The following SPOCK3 variants were observed in gnomAD, a reference collection of about 807,000 sequenced individuals.
SPOCK3 encodes the protein SPARC (osteonectin), cwcv and kazal like domains proteoglycan 3.
SPOCK3 carries 30 observed loss-of-function variants against 56.6 expected under a neutral mutation model. The observed-to-expected ratio is 0.53, with a 90% CI of 0.40 to 0.72. The LOEUF (loss-of-function observed/expected upper bound fraction) is 0.72. Among genes scored for constraint, SPOCK3 ranks in the 30% least tolerant of loss-of-function variants. The pLI is 0.00. For synonymous variants in SPOCK3, 196 were observed against 183.3 expected (o/e 1.07, Z -0.56); for missense variants, 527 against 530.0 (o/e 0.99, Z 0.06).
At chr4:167,172,128 G>T (rs1289534124) in intron 2 of SPOCK3, among the ~76,000 whole-genome samples, 1 of 152,170 alleles carries the variant, frequency 6.6e-6, no homozygotes, top group Admixed American at 6.5e-5. Flanking sequence ...TCTCAGCAGT[G>T]GGCACTCAAG....
At chr4:166,798,015 G>A (rs28548065) in intron 6 of SPOCK3, among the ~76,000 whole-genome samples, 28,982 of 151,968 alleles carry the variant, frequency 0.19, 3,121 homozygotes, top group African/African-American at 0.29. Flanking sequence ...CATTCCTATT[G>A]TCTAATAATG....
intron 6 of SPOCK3, among the ~76,000 whole-genome samples, chr4:166,840,502 CTCA>C (rs1265193100): frequency 1.3e-5 from 2 of 152,140 alleles, no homozygotes; most frequent in Non-Finnish European, 2.9e-5. Context: ...TTTATCTGTG[CTCA>C]TCATATCTGA....
intron 6 of SPOCK3, among the ~76,000 whole-genome samples, chr4:166,826,231 C>T (rs1745461643): frequency 6.6e-6 from 1 of 152,006 alleles, no homozygotes; most frequent in Admixed American, 6.6e-5. Flanking sequence ...GACATCAATA[C>T]CGAGCTGTAT....
At chr4:166,918,561 A>G (rs139121548) in intron 4 of SPOCK3, 20 of 152,298 alleles carry the variant, frequency 1.3e-4, no homozygotes, top group African/African-American at 4.1e-4. Context: ...ATAAGAAATC[A>G]TTTGACATAG....
In SPOCK3 at chr4:166,903,078, C is replaced by A. The variant is rs1424845640; in HGVS notation, c.474+9542G>T. On this transcript the variant is annotated intron_variant, in intron 5 of 10. Coordinates refer to ENST00000357545, the MANE Select transcript of SPOCK3 (RefSeq NM_001040159.2). ...TTTATTTGTATTGTATTAGTGTGCC[C>A]CTTTATTTATATTTATTTAATTTAT... 2.1e-5 allele frequency among the ~76,000 whole-genome samples: 3 copies of A among 143,232 alleles called. 1 individual carries two copies. Among genetic ancestry groups the A allele is most frequent in the African/African-American group, 5.1e-5 (2 of 39,220 alleles). 94.0% of individuals were successfully genotyped at this position (143,232 alleles called of 152,430 possible).
chr4:166,966,879 T>A (rs1268120272), intron 4 of SPOCK3, among the ~76,000 whole-genome samples: 2 of 152,128 alleles, frequency 1.3e-5, no homozygotes, highest in Non-Finnish European at 2.9e-5. Flanking sequence ...TAGCTCTATT[T>A]CCCAAAGACT....
At chr4:166,922,928 G>A (rs897988068) in intron 4 of SPOCK3, among the ~76,000 whole-genome samples, 7 of 152,178 alleles carry the variant, frequency 4.6e-5, no homozygotes, top group Non-Finnish European at 8.8e-5. Flanking sequence ...CAGTTTCTAA[G>A]ATTGGGGGAT....
chr4:166,924,655 A>G (rs1420014637), intron 4 of SPOCK3, among the ~76,000 whole-genome samples: 2 of 152,336 alleles, frequency 1.3e-5, no homozygotes, highest in East Asian at 3.9e-4. Context: ...AAAGATGACT[A>G]ATGACTTATC....
chr4:166,976,038 T>C (rs1436526260), intron 4 of SPOCK3, among the ~76,000 whole-genome samples: 1 of 152,006 alleles, frequency 6.6e-6, no homozygotes, highest in Non-Finnish European at 1.5e-5. Context: ...TAGCATGGGA[T>C]GCATAGAAAT....
intron 7 of SPOCK3, among the ~76,000 whole-genome samples, chr4:166,762,834 C>A (rs1290577421): frequency 2.6e-5 from 4 of 151,944 alleles, no homozygotes; most frequent in African/African-American, 9.7e-5. Flanking sequence ...ATATGAAAGA[C>A]CTTATCCAAA....
chr4:167,205,999 A>T (rs989499398), intron 2 of SPOCK3, among the ~76,000 whole-genome samples: 3 of 152,122 alleles, frequency 2.0e-5, no homozygotes, highest in African/African-American at 7.2e-5. Flanking sequence ...TTGATTTTTC[A>T]ATTTAGTTAA....
intron 6 of SPOCK3, among the ~76,000 whole-genome samples, chr4:166,831,827 ATATT>A (rs1746102636): frequency 7.6e-6 from 1 of 131,844 alleles, no homozygotes; most frequent in Admixed American, 8.2e-5. Context: ...TGCTTGCTTT[ATATT>A]TAATTTCCTC....
At chr4:167,088,461 CTTT>C (rs538566191) in intron 2 of SPOCK3, among the ~76,000 whole-genome samples, 2,714 of 110,916 alleles carry the variant, frequency 0.024, 10 homozygotes, top group Middle Eastern at 0.038. Flanking sequence ...CCTATGAAAA[CTTT>C]TTTTTTTTTT....
In SPOCK3 at chr4:167,233,977, G is replaced by A; in HGVS notation, c.189+8C>T. The A allele has an allele frequency of 6.2e-7, 1 of 1,611,674 alleles. No homozygotes were observed. The highest frequency in any genetic ancestry group is 8.5e-7 in the Non-Finnish European group (1 of 1,177,990). On this transcript the variant is annotated splice_region_variant and intron_variant, in intron 2 of 10. Coordinates refer to ENST00000357545, the MANE Select transcript of SPOCK3 (RefSeq NM_001040159.2). The stretch of plus-strand genomic sequence containing the variant: ...GTGTGCCCGGGGATGTGGGTGCGCG[G>A]AACTTACGTCTCGGAATTTGTTCCA...
At chr4:167,120,031 A>G (rs1761737857) in intron 2 of SPOCK3, among the ~76,000 whole-genome samples, 1 of 152,132 alleles carries the variant, frequency 6.6e-6, no homozygotes, top group Admixed American at 6.5e-5. Flanking sequence ...AATTACATAC[A>G]TGGTAGATTT....
chr4:167,119,810 G>A, intron 2 of SPOCK3: 2 of 1,534,290 alleles, frequency 1.3e-6, no homozygotes, highest in Non-Finnish European at 1.7e-6. Flanking sequence ...GAGCCCAGAA[G>A]ACATGTGGAT....
intron 6 of SPOCK3, among the ~76,000 whole-genome samples, chr4:166,820,433 T>C (rs1039674595): frequency 1.3e-4 from 20 of 152,184 alleles, no homozygotes; most frequent in Middle Eastern, 3.4e-3. Flanking sequence ...AAATTGACAG[T>C]CTTGATATAA....
At chr4:167,165,468 C>G (rs192331674) in intron 2 of SPOCK3, among the ~76,000 whole-genome samples, 18 of 152,184 alleles carry the variant, frequency 1.2e-4, no homozygotes, top group Non-Finnish European at 2.4e-4. Context: ...AGCTTATCAT[C>G]ACTGGTCATT....
At chr4:166,907,327 G>A (rs989695982) in intron 5 of SPOCK3, among the ~76,000 whole-genome samples, 11 of 152,002 alleles carry the variant, frequency 7.2e-5, no homozygotes, top group African/African-American at 2.4e-4. Context: ...TGGGGTGGAG[G>A]TATCCTGGAG....
Sources: gnomAD v4.1 joint callset for allele counts (sites outside exome capture counted in the v4.1 genomes callset) on GRCh38, gnomAD v4.1.1 for gene constraint, MANE v1.5 for transcripts, NCBI Gene and HGNC (gene_info 2026-07-23, HGNC 2026-07-21) for gene names.